The following DMD variants were observed in gnomAD, a reference collection of about 807,000 sequenced individuals.
DMD encodes dystrophin.
A neutral mutation model predicts 330.1 loss-of-function variants in DMD; 63 were observed. The ratio of observed to expected loss-of-function variants is 0.19; its 90% CI spans 0.16 to 0.24. The LOEUF (loss-of-function observed/expected upper bound fraction) is 0.24. Among genes scored for constraint, DMD ranks in the 10% least tolerant of loss-of-function variants. DMD has a pLI of 1.00. For synonymous variants in DMD, 1,223 were observed against 959.8 expected, an observed-to-expected ratio of 1.27 and a Z score of -5.07; for missense variants, 3,344 against 2,684.1, an observed-to-expected ratio of 1.25 and a Z score of -5.43.
chrX:32,459,845 A>C (rs1249457653), intron 25 of DMD, among the ~76,000 whole-genome samples: 1 of 111,214 alleles, frequency 9.0e-6, no homozygotes. Flanking sequence ...TGTAAGTGTG[A>C]AAGTCCTCAT....
At chrX:31,360,395 A>C (rs2058873881) in intron 60 of DMD, among the ~76,000 whole-genome samples, 2 of 112,122 alleles carry the variant, frequency 1.8e-5, no homozygotes, top group Non-Finnish European at 3.8e-5. Context: ...CATACTCTAC[A>C]TTAATTTTTT....
At chrX:31,134,621 C>A (rs1172675378) in intron 76 of DMD, among the ~76,000 whole-genome samples, 1 of 111,046 alleles carries the variant, frequency 9.0e-6, no homozygotes, top group Non-Finnish European at 1.9e-5. Context: ...CAGGGTTTCA[C>A]CATATTGGCC....
chrX:31,750,344 G>C (rs2088410583), intron 51 of DMD, among the ~76,000 whole-genome samples: 1 of 107,014 alleles, frequency 9.3e-6, no homozygotes, highest in African/African-American at 3.4e-5. Context: ...AAGGGATCCA[G>C]TTTCAGCTTT....
At chrX:31,396,548 G>GTTTTTTTTTTTTTTT (rs56745544) in intron 60 of DMD, among the ~76,000 whole-genome samples, 3 of 66,067 alleles carry the variant, frequency 4.5e-5, no homozygotes, top group Admixed American at 2.1e-4. Flanking sequence ...AAATCCCAGG[G>GTTTTTTTTTTTTTTT]TTTTTTTTTT....
At chrX:31,492,488 G>A (rs962441721) in intron 57 of DMD, among the ~76,000 whole-genome samples, 2 of 112,025 alleles carry the variant, frequency 1.8e-5, no homozygotes, top group East Asian at 2.8e-4. Context: ...TGAGGAAGGA[G>A]AGTGTTTTGT....
intron 15 of DMD, among the ~76,000 whole-genome samples, chrX:32,567,841 T>C (rs2051916080): frequency 1.8e-5 from 2 of 112,379 alleles, no homozygotes; most frequent in Admixed American, 9.4e-5. Context: ...TCAATGTATA[T>C]TCCTCCAGTT....
chrX:32,485,490 A>G (rs765466471), intron 20 of DMD, among the ~76,000 whole-genome samples: 108 of 110,609 alleles, frequency 9.8e-4, no homozygotes, highest in Non-Finnish European at 1.6e-3. Flanking sequence ...AGCTCACTCA[A>G]TGAACAATAT....
At chrX:32,366,672 C>A (rs2097855616) in intron 34 of DMD, among the ~76,000 whole-genome samples, 1 of 111,600 alleles carries the variant, frequency 9.0e-6, no homozygotes, top group Non-Finnish European at 1.9e-5. Flanking sequence ...TTATAATATA[C>A]CTAAGTAGTC....
chrX:31,397,517 C>A (rs1283735370), intron 60 of DMD, among the ~76,000 whole-genome samples: 1 of 112,284 alleles, frequency 8.9e-6, no homozygotes, highest in Non-Finnish European at 1.9e-5. Context: ...GGATGGTGCT[C>A]TCAAAAATTG....
intron 2 of DMD, among the ~76,000 whole-genome samples, chrX:32,928,384 CTGT>C (rs2146659544): frequency 9.1e-6 from 1 of 110,487 alleles, no homozygotes; most frequent in East Asian, 2.9e-4. Flanking sequence ...AGTAAGAAAG[CTGT>C]TGTTTATATT....
chrX:31,286,637 A>C (rs1197521018), intron 62 of DMD, among the ~76,000 whole-genome samples: 1 of 112,480 alleles, frequency 8.9e-6, no homozygotes, highest in African/African-American at 3.2e-5. Context: ...CTCATTTTAG[A>C]CCCACTGGCT....
intron 44 of DMD, among the ~76,000 whole-genome samples, chrX:32,130,028 G>C (rs1195838243): frequency 9.6e-6 from 1 of 104,668 alleles, no homozygotes; most frequent in Non-Finnish European, 2.0e-5. Flanking sequence ...TTTTAAGCTG[G>C]CTTTTTTCCC....
At chrX:32,391,560 A>G (rs1282796724) in intron 30 of DMD, among the ~76,000 whole-genome samples, 1 of 112,358 alleles carries the variant, frequency 8.9e-6, no homozygotes, top group East Asian at 2.8e-4. Flanking sequence ...ATTCTGCCTT[A>G]AAACAAATGA....
chrX:32,916,191 T>G (rs2087784665), intron 2 of DMD, among the ~76,000 whole-genome samples: 1 of 111,403 alleles, frequency 9.0e-6, no homozygotes, highest in African/African-American at 3.3e-5. Context: ...CAACAATCAT[T>G]GTCCTCCTTC....
At chrX:31,698,726 A>C (rs1265451430) in intron 52 of DMD, among the ~76,000 whole-genome samples, 1 of 111,877 alleles carries the variant, frequency 8.9e-6, no homozygotes, top group Non-Finnish European at 1.9e-5. Flanking sequence ...AGATATAGAA[A>C]AGGAGGAATG....
chrX:33,235,512 T>C (rs2052460377), intron 1 of DMD, among the ~76,000 whole-genome samples: 1 of 112,366 alleles, frequency 8.9e-6, no homozygotes, highest in African/African-American at 3.2e-5. Context: ...TTTTTTAATT[T>C]GTTAGTCCTA....
At chrX:31,575,135 A>G (rs916309420) in intron 55 of DMD, among the ~76,000 whole-genome samples, 3 of 111,901 alleles carry the variant, frequency 2.7e-5, no homozygotes, top group Non-Finnish European at 5.6e-5. Flanking sequence ...CTTCTTGATG[A>G]TAATGAGGTG....
intron 7 of DMD, among the ~76,000 whole-genome samples, chrX:32,722,283 A>C (rs757244329): frequency 2.7e-5 from 3 of 111,167 alleles, no homozygotes; most frequent in Non-Finnish European, 3.8e-5. Context: ...ATAGAACAAA[A>C]AACTCAATAC....
intron 2 of DMD, among the ~76,000 whole-genome samples, chrX:32,882,132 A>G (rs1389840966): frequency 1.8e-5 from 2 of 111,929 alleles, no homozygotes; most frequent in Admixed American, 9.5e-5. Context: ...TGGCTGGCAG[A>G]GGTCCGGGCC....
Sources: gnomAD v4.1 joint callset for allele counts (sites outside exome capture counted in the v4.1 genomes callset) on GRCh38, gnomAD v4.1.1 for gene constraint, MANE v1.5 for transcripts, NCBI Gene and HGNC (gene_info 2026-07-23, HGNC 2026-07-21) for gene names.